Variants in FYTTD1 observed in about 807,000 individuals in gnomAD.
FYTTD1 encodes the protein UAP56-interacting factor.
In FYTTD1, 22 loss-of-function variants were observed where a neutral mutation model predicts 40.9. The observed-to-expected ratio is 0.54, with a 90% CI of 0.38 to 0.77. FYTTD1 has a LOEUF of 0.77. Among genes scored for constraint, FYTTD1 ranks in the 30% least tolerant of loss-of-function variants. The pLI, the probability that FYTTD1 is intolerant of heterozygous loss-of-function variation, is 0.00. For missense variants in FYTTD1, 351 were observed against 392.2 expected (o/e 0.90, Z 0.89); for synonymous variants, 140 against 137.9 (o/e 1.01, Z -0.10).
intron 1 of FYTTD1, chr3:197,750,401 C>G: frequency 9.4e-7 from 1 of 1,060,824 alleles, no homozygotes; most frequent in Non-Finnish European, 1.1e-6. Context: ...CGGCTCGCCG[C>G]TCGCCGGCTC....
At position 197,770,164 on chromosome 3, in the gene FYTTD1, G is replaced by A; in HGVS notation, c.417G>A (p.Arg139=). Reference sequence around the variant, plus strand: ...AACAATATTTTCCAGTGTTAAAAAGGAAGGCAAACCTTCTGAGACAAAATG... The same window carrying A: ...AACAATATTTTCCAGTGTTAAAAAGAAAGGCAAACCTTCTGAGACAAAATG... ...NIEQYFPVLK[R]KANLLRQNEG... Residue 139 remains arginine (R), a synonymous_variant, in exon 4 of 9, where the codon AGG becomes AGA. Transcript: ENST00000241502. 1 of 1,611,634 alleles carries A rather than the reference G, an allele frequency of 6.2e-7. No homozygotes were observed. Among genetic ancestry groups the A allele is most frequent in the Non-Finnish European group, 8.5e-7 (1 of 1,178,320 alleles).
chr3:197,764,370 C>T (rs1729476308), intron 2 of FYTTD1, among the ~76,000 whole-genome samples: 1 of 152,020 alleles, frequency 6.6e-6, no homozygotes, highest in African/African-American at 2.4e-5. Context: ...GAAGTTTGTT[C>T]AAAGGTAGAA....
intron 4 of FYTTD1, among the ~76,000 whole-genome samples, chr3:197,772,214 C>G (rs1221833972): frequency 6.6e-6 from 1 of 152,228 alleles, no homozygotes; most frequent in African/African-American, 2.4e-5. Flanking sequence ...AAGAACCCAT[C>G]ATTTACGTGA....
intron 2 of FYTTD1, among the ~76,000 whole-genome samples, chr3:197,763,006 C>T (rs1018410156): frequency 6.6e-6 from 1 of 152,180 alleles, no homozygotes; most frequent in Non-Finnish European, 1.5e-5. Flanking sequence ...GTACCCCAAC[C>T]TTAAAATAAA....
At chr3:197,773,266 A>T (rs1364982508) in intron 4 of FYTTD1, 137 bp from the exon 5 acceptor site, 2 of 601,726 alleles carry the variant, frequency 3.3e-6, no homozygotes, top group Non-Finnish European at 5.9e-6. Flanking sequence ...TCATGTTAAT[A>T]AGCAAATAAT....
intron 1 of FYTTD1, among the ~76,000 whole-genome samples, chr3:197,752,570 T>C (rs1435953514): frequency 6.6e-6 from 1 of 152,160 alleles, no homozygotes; most frequent in Non-Finnish European, 1.5e-5. Context: ...TGTGTATGTA[T>C]ATATGGCTTT....
At position 197,751,199 on chromosome 3, in the gene FYTTD1, C is replaced by G. The variant is rs150022091; in HGVS notation, c.103+1125C>G. On this transcript the variant is annotated intron_variant, in intron 1 of 8. Coordinates refer to ENST00000241502, the MANE Select transcript of FYTTD1 (RefSeq NM_032288.7). Reference sequence around the variant, plus strand: ...GTCTTTTGTTGTGGTTTATCTGGAACGTTTTTGGTTCCAGGTGAGATGGGA... The same window carrying G: ...GTCTTTTGTTGTGGTTTATCTGGAAGGTTTTTGGTTCCAGGTGAGATGGGA... Among the ~76,000 whole-genome samples the G allele has an allele frequency of 1.2e-4, 18 of 152,266 alleles. 1 individual carries two copies. In the East Asian group the frequency reaches 3.5e-3, roughly 29 times the overall value.
Position 197,749,947 on chromosome 3 carries a change from C to A in FYTTD1, c.-25C>A, listed in dbSNP as rs376413160. 4.7e-4 allele frequency: 710 copies of A among 1,513,870 alleles called. 1 individual carries two copies. Among genetic ancestry groups the A allele is most frequent in the Non-Finnish European group, 5.9e-4 (660 of 1,117,294 alleles). 93.8% of individuals were successfully genotyped at this position (1,513,870 alleles called of 1,614,324 possible). ...CTGCGACTCCGGCCTTGTCCGCGCCCGCTCTCGGCGCGACGTCTCCAGCCA... is the reference window on the plus strand; with the variant it reads ...CTGCGACTCCGGCCTTGTCCGCGCCAGCTCTCGGCGCGACGTCTCCAGCCA... On this transcript the variant is annotated 5_prime_UTR_variant, in exon 1 of 9. Coordinates refer to ENST00000241502, the MANE Select transcript of FYTTD1 (RefSeq NM_032288.7).
upstream of FYTTD1, chr3:197,749,638 A>G (rs1321163786): frequency 8.4e-6 from 8 of 950,668 alleles, no homozygotes; most frequent in Non-Finnish European, 1.2e-5. Flanking sequence ...CACTGAAGGC[A>G]TAAGATTCAG....
chr3:197,771,454 T>A (rs1032172169), intron 4 of FYTTD1, among the ~76,000 whole-genome samples: 3 of 152,032 alleles, frequency 2.0e-5, no homozygotes, highest in Admixed American at 1.3e-4. Context: ...GGTCAGGAGT[T>A]ATGTGGCAAA....
chr3:197,782,043 GT>G lies in FYTTD1; in HGVS notation c.*145del, dbSNP rs1321733110. The G allele has an allele frequency of 0.01, 3,642 of 349,578 alleles. 3 individuals carry two copies. Among genetic ancestry groups the G allele is most frequent in the Non-Finnish European group, 0.013 (2,489 of 193,024 alleles). 21.7% of individuals were successfully genotyped at this position (349,578 alleles called of 1,614,324 possible). ...ATAACTCTTATTTTTATTTTTGAAGGTTTTTTTTTTTAAAAAAAAAAACGTA... is the reference window on the plus strand; with the variant it reads ...ATAACTCTTATTTTTATTTTTGAAGGTTTTTTTTTTAAAAAAAAAAACGTA... On this transcript the variant is annotated 3_prime_UTR_variant, in exon 9 of 9. Coordinates refer to ENST00000241502, the MANE Select transcript of FYTTD1 (RefSeq NM_032288.7).
intron 2 of FYTTD1, among the ~76,000 whole-genome samples, chr3:197,757,795 TAAA>T (rs1179870741): frequency 6.6e-6 from 1 of 152,094 alleles, no homozygotes; most frequent in African/African-American, 2.4e-5. Flanking sequence ...ATTGGGCCCT[TAAA>T]AAAAATTATT....
At chr3:197,752,362 C>T (rs1399921428) in intron 1 of FYTTD1, among the ~76,000 whole-genome samples, 1 of 152,166 alleles carries the variant, frequency 6.6e-6, no homozygotes, top group South Asian at 2.1e-4. Flanking sequence ...GTGTTTACCA[C>T]ATAGGGTTGC....
At chr3:197,779,782 G>A (rs111669971) in intron 8 of FYTTD1, among the ~76,000 whole-genome samples, 1 of 145,892 alleles carries the variant, frequency 6.9e-6, no homozygotes, top group Non-Finnish European at 1.5e-5. Flanking sequence ...ACCACACCTG[G>A]GGATACAGGC....
At chr3:197,776,822 C>A (rs796087503) in intron 6 of FYTTD1, 105 bp from the exon 7 acceptor site, 1 of 721,492 alleles carries the variant, frequency 1.4e-6, no homozygotes, top group Non-Finnish European at 2.3e-6. Flanking sequence ...TTCTTACAAG[C>A]TAAGAAAAAG....
At chr3:197,761,167 A>G (rs1469898322) in intron 2 of FYTTD1, among the ~76,000 whole-genome samples, 1 of 150,826 alleles carries the variant, frequency 6.6e-6, no homozygotes, top group African/African-American at 2.4e-5. Flanking sequence ...AGTAGGATGT[A>G]TAGAGTTGTT....
rs767236930 is a variant in FYTTD1, at chr3:197,786,087, TTC to T, written c.*4180_*4181del. On this transcript the variant is annotated 3_prime_UTR_variant, in exon 9 of 9. Transcript: ENST00000241502. Reference sequence around the variant, plus strand: ...ATTTCCCTTCTCACCACAGTTTATTTTCTTTTTTCTTTTTCTTTTTTTTTTTT... The same window carrying T: ...ATTTCCCTTCTCACCACAGTTTATTTTTTTTTCTTTTTCTTTTTTTTTTTT... 5 of 151,698 alleles carry T rather than the reference TTC, an allele frequency of 3.3e-5. No individual in the cohort carries two copies. Among genetic ancestry groups the T allele is most frequent in the Admixed American group, 6.6e-5 (1 of 15,232 alleles). The allele number at this position is 151,698 out of a possible 1,614,324, so 9.4% of individuals were successfully genotyped here.
intron 8 of FYTTD1, among the ~76,000 whole-genome samples, chr3:197,779,260 C>A (rs1222092198): frequency 6.6e-6 from 1 of 151,952 alleles, no homozygotes; most frequent in Non-Finnish European, 1.5e-5. Context: ...ACTAAAAATA[C>A]AAAAATTAGC....
upstream of FYTTD1, chr3:197,749,863 C>T (rs1728936861): frequency 1.2e-5 from 8 of 660,046 alleles, no homozygotes; most frequent in East Asian, 3.6e-5. Flanking sequence ...AGGACGGCGC[C>T]GGCGCGTGCG....
Sources: gnomAD v4.1 joint callset for allele counts (sites outside exome capture counted in the v4.1 genomes callset) on GRCh38, gnomAD v4.1.1 for gene constraint, MANE v1.5 for transcripts, NCBI Gene and HGNC (gene_info 2026-07-23, HGNC 2026-07-21) for gene names.